SH3RF3: variants seen among roughly 807,000 people sequenced by gnomAD.
SH3RF3 encodes E3 ubiquitin-protein ligase SH3RF3.
In SH3RF3, 29 loss-of-function variants were observed where a neutral mutation model predicts 66.3. That is an observed-to-expected ratio of 0.44 (90% CI 0.33 to 0.60). The LOEUF (loss-of-function observed/expected upper bound fraction) is 0.60, where lower values mean the gene tolerates loss of function less well. Ranked by LOEUF, SH3RF3 falls within the 20% of genes least tolerant of loss-of-function variation. The probability of loss-of-function intolerance (pLI) is 0.04; values close to 1 mark genes in which losing one functional copy is unlikely to be tolerated. For missense variants in SH3RF3, 1,194 were observed against 1,190.9 expected (o/e 1.00, Z -0.04); for synonymous variants, 583 against 532.0 (o/e 1.10, Z -1.32).
At chr2:109,268,501 A>T (rs1046976070) in intron 1 of SH3RF3, among the ~76,000 whole-genome samples, 8 of 151,992 alleles carry the variant, frequency 5.3e-5, no homozygotes, top group African/African-American at 1.4e-4. Context: ...CTCCCAAGCA[A>T]CCTCTGTCCA....
intron 1 of SH3RF3, among the ~76,000 whole-genome samples, chr2:109,165,976 C>G (rs1445647757): frequency 6.6e-6 from 1 of 151,994 alleles, no homozygotes; most frequent in Non-Finnish European, 1.5e-5. Context: ...TCCTTTTTTT[C>G]CCGCTGCTAT....
chr2:109,159,071 C>T (rs1194250996), intron 1 of SH3RF3, among the ~76,000 whole-genome samples: 11 of 152,170 alleles, frequency 7.2e-5, no homozygotes, highest in South Asian at 2.1e-4. Context: ...GAACCCAGAT[C>T]GCACCACTGC....
At chr2:109,331,008 A>AATTTT (rs1682269606) in intron 1 of SH3RF3, among the ~76,000 whole-genome samples, 1 of 152,204 alleles carries the variant, frequency 6.6e-6, no homozygotes, top group South Asian at 2.1e-4. Context: ...TCCATATAAA[A>AATTTT]AGCCAGGTGT....
chr2:109,273,895 A>G (rs929627290), intron 1 of SH3RF3, among the ~76,000 whole-genome samples: 10 of 152,110 alleles, frequency 6.6e-5, no homozygotes, highest in African/African-American at 2.4e-4. Context: ...GATGAAGAAT[A>G]TGGGCTCTGG....
intron 1 of SH3RF3, among the ~76,000 whole-genome samples, chr2:109,294,807 G>C (rs1190473564): frequency 1.3e-5 from 2 of 152,164 alleles, no homozygotes; most frequent in African/African-American, 4.8e-5. Context: ...TACCGACTCA[G>C]CCCAGGCTTA....
intron 1 of SH3RF3, among the ~76,000 whole-genome samples, chr2:109,180,399 A>C (rs974256188): frequency 2.0e-5 from 3 of 152,188 alleles, no homozygotes; most frequent in Non-Finnish European, 4.4e-5. Context: ...CAGCAGGTAC[A>C]CAGAGGCCAT....
At position 109,258,686 on chromosome 2, in the gene SH3RF3, C is replaced by T. The variant is rs955582257; in HGVS notation, c.574-88988C>T. ...TCTAGGAGCCTGACTGTGTGGCAGC[C>T]GTGTCTGAGTGATGACTGCCAGAAA... On this transcript the variant is annotated intron_variant, in intron 1 of 9. Coordinates refer to ENST00000309415, the MANE Select transcript of SH3RF3 (RefSeq NM_001099289.3). Among the ~76,000 whole-genome samples, 23 of 152,308 alleles carry T rather than the reference C, an allele frequency of 1.5e-4. No individual in the cohort carries two copies. In the East Asian group the frequency reaches 2.1e-3, roughly 14 times the overall value.
chr2:109,364,394 A>G (rs142023403), intron 2 of SH3RF3, among the ~76,000 whole-genome samples: 6 of 152,320 alleles, frequency 3.9e-5, no homozygotes, highest in Admixed American at 1.3e-4. Context: ...TTCAAACATT[A>G]AAGCCCTTAG....
intron 1 of SH3RF3, among the ~76,000 whole-genome samples, chr2:109,254,824 C>T (rs1680180842): frequency 6.6e-6 from 1 of 152,148 alleles, no homozygotes; most frequent in Admixed American, 6.5e-5. Context: ...AGGCTGGAGG[C>T]ACTGCCTCGC....
intron 1 of SH3RF3, among the ~76,000 whole-genome samples, chr2:109,264,427 G>C (rs756297839): frequency 6.6e-6 from 1 of 151,996 alleles, no homozygotes; most frequent in Non-Finnish European, 1.5e-5. Context: ...ACCTCCCCAC[G>C]ATCCACCCCA....
chr2:109,169,248 A>G (rs1677698308), intron 1 of SH3RF3, among the ~76,000 whole-genome samples: 1 of 152,224 alleles, frequency 6.6e-6, no homozygotes, highest in Non-Finnish European at 1.5e-5. Context: ...AGCATTTAAA[A>G]TCATTTGGAA....
intron 1 of SH3RF3, among the ~76,000 whole-genome samples, chr2:109,259,308 C>T (rs1680296498): frequency 6.6e-6 from 1 of 152,196 alleles, no homozygotes; most frequent in African/African-American, 2.4e-5. Flanking sequence ...GTGCAGAGGC[C>T]TGGCTCTGAC....
chr2:109,486,135 C>T (rs1423877720), intron 8 of SH3RF3, among the ~76,000 whole-genome samples: 1 of 152,218 alleles, frequency 6.6e-6, no homozygotes, highest in African/African-American at 2.4e-5. Flanking sequence ...GGAGCTGACC[C>T]CTTCTCTGTG....
intron 1 of SH3RF3, among the ~76,000 whole-genome samples, chr2:109,172,517 T>C (rs1310894109): frequency 6.6e-6 from 1 of 152,224 alleles, no homozygotes; most frequent in Admixed American, 6.5e-5. Context: ...AATTTTCCTT[T>C]CTTACCTCCC....
chr2:109,344,010 CTAAGA>C (rs1682622652), intron 1 of SH3RF3, among the ~76,000 whole-genome samples: 1 of 152,182 alleles, frequency 6.6e-6, no homozygotes, highest in Non-Finnish European at 1.5e-5. Flanking sequence ...TCCCAAAGTG[CTAAGA>C]TAATAGGCGT....
intron 1 of SH3RF3, among the ~76,000 whole-genome samples, chr2:109,218,104 G>T (rs548151026): frequency 6.6e-4 from 101 of 151,912 alleles, no homozygotes; most frequent in Middle Eastern, 3.4e-3. Context: ...AGAGGTTTTT[G>T]GAAACTGAGT....
chr2:109,274,982 C>T (rs1680720064), intron 1 of SH3RF3, among the ~76,000 whole-genome samples: 1 of 151,988 alleles, frequency 6.6e-6, no homozygotes, highest in South Asian at 2.1e-4. Context: ...ATGAATTTTG[C>T]ATCAATAAAA....
chr2:109,165,864 G>A (rs116011188), intron 1 of SH3RF3, among the ~76,000 whole-genome samples: 256 of 152,328 alleles, frequency 1.7e-3, no homozygotes, highest in Non-Finnish European at 2.5e-3. Context: ...AGTGCTCTAC[G>A]TGTGCCCAGG....
chr2:109,325,868 G>A (rs1682142256), intron 1 of SH3RF3, among the ~76,000 whole-genome samples: 1 of 152,220 alleles, frequency 6.6e-6, no homozygotes, highest in African/African-American at 2.4e-5. Context: ...TCACTCCTGG[G>A]AAAAAGTTCA....
Sources: gnomAD v4.1 joint callset for allele counts (sites outside exome capture counted in the v4.1 genomes callset) on GRCh38, gnomAD v4.1.1 for gene constraint, MANE v1.5 for transcripts, NCBI Gene and HGNC (gene_info 2026-07-23, HGNC 2026-07-21) for gene names.